Variants in NMUR2 observed in about 807,000 individuals in gnomAD.
NMUR2 encodes the protein neuromedin-U receptor 2.
Under a neutral mutation model 25.1 loss-of-function variants are expected in NMUR2, and 24 were observed. The observed-to-expected ratio is 0.96, with a 90% CI of 0.69 to 1.34. NMUR2 has a LOEUF of 1.34. Among genes scored for constraint, NMUR2 ranks in the 40% most tolerant of loss-of-function variants. The pLI, the probability that NMUR2 is intolerant of heterozygous loss-of-function variation, is 0.00. For missense variants in NMUR2, 533 were observed against 512.8 expected (o/e 1.04, Z -0.38); for synonymous variants, 218 against 208.1 (o/e 1.05, Z -0.41).
Position 152,393,453 on chromosome 5 carries a change from C to T in NMUR2, c.938-952G>A, listed in dbSNP as rs77158489. Among the ~76,000 whole-genome samples, 1,130 of 152,194 alleles carry T rather than the reference C, an allele frequency of 7.4e-3. 21 individuals are homozygous for T. The highest frequency in any genetic ancestry group is 0.026 in the African/African-American group (1,074 of 41,514). ...CTATATGCCTTGTTTACAGAATAAA[C>T]ATGGAAGAATGTTAAAGGAGAATAT... On this transcript the variant is annotated intron_variant, in intron 3 of 3. Transcript: ENST00000255262.
chr5:152,396,225 C>T (rs1339789812), intron 2 of NMUR2, among the ~76,000 whole-genome samples: 8 of 101,848 alleles, frequency 7.9e-5, no homozygotes, highest in South Asian at 3.5e-4. Flanking sequence ...CACACACACA[C>T]TTTTTTTTTT....
chr5:152,395,581 A>G lies in NMUR2; in HGVS notation c.815T>C (p.Val272Ala). The change falls in exon 3 of 4, where the codon GTC (valine) becomes GCC (alanine). Residue 272 changes from valine (V) to alanine (A), a missense_variant. Physicochemically the swap from Val to Ala is moderately conservative, Grantham distance 64. Coordinates refer to ENST00000255262, the MANE Select transcript of NMUR2 (RefSeq NM_020167.5). ...ACAGATAGCAAACACTAAGACCAAG[A>G]CAACTGAAAATGGATGATAAATGGG... is the stretch of plus-strand genomic sequence containing the variant. ...CRKSVNKMLFVLVLVFAICWA... is the reference protein window; with the variant it reads ...CRKSVNKMLFALVLVFAICWA... 1 of 1,613,394 alleles carries G rather than the reference A, an allele frequency of 6.2e-7. No individual in the cohort carries two copies.
In NMUR2 at chr5:152,392,031, ACT is replaced by A. The variant is rs1345901604; in HGVS notation, c.*158_*159del. 2 of 619,274 alleles carry A rather than the reference ACT, an allele frequency of 3.2e-6. No individual in the cohort carries two copies. The highest frequency in any genetic ancestry group is 3.7e-5 in the African/African-American group (2 of 53,742). The allele number at this position is 619,274 out of a possible 1,614,324, so 38.4% of individuals were successfully genotyped here. A position where few individuals can be genotyped will look rare whatever the true frequency, so the allele number is the denominator to read the frequency against. On this transcript the variant is annotated 3_prime_UTR_variant, in exon 4 of 4. Transcript: ENST00000255262. Reference sequence around the variant, plus strand: ...GTCTTGGGTTTTGAAACCAGATCTAACTCTCAGTTTTCACGTTTATTAAAAAA... The same window carrying A: ...GTCTTGGGTTTTGAAACCAGATCTAACTCAGTTTTCACGTTTATTAAAAAA...
rs1329741005 is a variant in NMUR2 at position 152,392,484 on chromosome 5, T to C, written c.955A>G (p.Ser319Gly). ...HVVSGVFFYLSSAVNPIIYNL... is the reference protein window; with the variant it reads ...HVVSGVFFYLGSAVNPIIYNL... The stretch of plus-strand genomic sequence containing the variant: ...TAGATAATGGGGTTGACAGCTGAGC[T>C]CAGGTAGAAGAAGACACCTGGAATG... Residue 319 changes from serine (S) to glycine (G), a missense_variant, in exon 4 of 4, where the codon AGC (serine) becomes GGC (glycine). Coordinates refer to ENST00000255262, the MANE Select transcript of NMUR2 (RefSeq NM_020167.5). 6.2e-7 allele frequency: 1 copy of C among 1,612,766 alleles called. No homozygotes were observed. Among genetic ancestry groups the C allele is most frequent in the Non-Finnish European group, 8.5e-7 (1 of 1,179,042 alleles).
At position 152,405,003 on chromosome 5, in the gene NMUR2, G is replaced by C; in HGVS notation, c.111C>G (p.Cys37Trp). ...NSTEEYLAFL[C>W]GPRRSHFFLP... ...GGAAGAAGTGGCTGCGCCGAGGTCC[G>C]CAGAGGAAGGCCAGATACTCCTCGG... Residue 37 changes from cysteine to tryptophan, a missense_variant, in exon 1 of 4, where the codon TGC (cysteine) becomes TGG (tryptophan). Cys to Trp is a radical substitution (Grantham distance 215). Coordinates refer to ENST00000255262, the MANE Select transcript of NMUR2 (RefSeq NM_020167.5). 6.2e-7 allele frequency: 1 copy of C among 1,613,944 alleles called. No homozygotes were observed. Among genetic ancestry groups the C allele is most frequent in the Non-Finnish European group, 8.5e-7 (1 of 1,179,982 alleles).
rs750208287 is a variant in NMUR2 at position 152,405,094 on chromosome 5, A to G, written c.20T>C (p.Leu7Pro). MSGMEK[L>P]QNASWIYQQK... ...CTGGTAGATCCAGGAAGCATTCTGA[A>G]GTTTTTCCATCCCTGACATTAAAAT... The change falls in exon 1 of 4, where the codon CTT (leucine) becomes CCT (proline). Residue 7 changes from leucine to proline, a missense_variant. Physicochemically the swap from Leu to Pro is moderately conservative, Grantham distance 98. Transcript: ENST00000255262. The G allele has an allele frequency of 6.2e-7, 1 of 1,609,924 alleles. No homozygotes were observed.
At position 152,391,725 on chromosome 5, in the gene NMUR2, A is replaced by C. The variant is rs900004859; in HGVS notation, c.*466T>G. On this transcript the variant is annotated 3_prime_UTR_variant, in exon 4 of 4. Coordinates refer to ENST00000255262, the MANE Select transcript of NMUR2 (RefSeq NM_020167.5). ...CAATAAAATTCAGCACAATAAAACAAGTTATGCCTGTAGACTGCTGCCAAG... is the reference window on the plus strand; with the variant it reads ...CAATAAAATTCAGCACAATAAAACACGTTATGCCTGTAGACTGCTGCCAAG... The C allele has an allele frequency of 6.5e-6, 1 of 154,772 alleles. No individual in the cohort carries two copies. Among genetic ancestry groups the C allele is most frequent in the Non-Finnish European group, 1.4e-5 (1 of 69,692 alleles). The allele number at this position is 154,772 out of a possible 1,614,324, so 9.6% of individuals were successfully genotyped here. A position where few individuals can be genotyped will look rare whatever the true frequency, so the allele number is the denominator to read the frequency against.
chr5:152,404,583 G>A lies in NMUR2; in HGVS notation c.531C>T (p.Phe177=). The A allele has an allele frequency of 6.2e-7, 1 of 1,614,160 alleles. No individual in the cohort carries two copies. Among genetic ancestry groups the A allele is most frequent in the Non-Finnish European group, 8.5e-7 (1 of 1,180,038 alleles). Residue 177 remains phenylalanine (F), a synonymous_variant, in exon 1 of 4, where the codon TTC becomes TTT. Transcript: ENST00000255262. ...CATGGATGCTGGTGTTGGGCAGGGA[G>A]AAGAGCACGGAGAAGCCCCAGACGA... is the stretch of plus-strand genomic sequence containing the variant. ...LGIVWGFSVL[F]SLPNTSIHGI...
chr5:152,392,036 CA>C lies in NMUR2; in HGVS notation c.*154del. The stretch of plus-strand genomic sequence containing the variant: ...GGGTTTTGAAACCAGATCTAACTCT[CA>C]GTTTTCACGTTTATTAAAAAAAAAA... On this transcript the variant is annotated 3_prime_UTR_variant, in exon 4 of 4. Transcript: ENST00000255262. The C allele has an allele frequency of 1.6e-6, 1 of 631,364 alleles. No individual in the cohort carries two copies. The highest frequency in any genetic ancestry group is 2.8e-5 in the East Asian group (1 of 35,838). The allele number at this position is 631,364 out of a possible 1,614,324, so 39.1% of individuals were successfully genotyped here.
At chr5:152,393,920 T>G (rs1196741446) in intron 3 of NMUR2, among the ~76,000 whole-genome samples, 2 of 152,120 alleles carry the variant, frequency 1.3e-5, no homozygotes, top group Admixed American at 1.3e-4. Context: ...ACTCTCTAAT[T>G]ACCAATTTGA....
intron 1 of NMUR2, among the ~76,000 whole-genome samples, chr5:152,403,255 G>C (rs2113103581): frequency 6.6e-6 from 1 of 152,250 alleles, no homozygotes; most frequent in African/African-American, 2.4e-5. Flanking sequence ...GGAGAATGAT[G>C]TGGCTTGCCT....
chr5:152,404,757 GCAGCC>G lies in NMUR2; in HGVS notation c.352_356del (p.Gly118LeufsTer8). 1.2e-6 allele frequency: 2 copies of G among 1,614,186 alleles called. No individual in the cohort carries two copies. Among genetic ancestry groups the G allele is most frequent in the Non-Finnish European group, 1.7e-6 (2 of 1,180,048 alleles). ...TCTCAAAGAGGGCCGTCTTGAAGTA[GCAGCC>G]CACGGGCCCGAACAAGAAAGGGTAG... On this transcript the variant is annotated frameshift_variant, in exon 1 of 4. Coordinates refer to ENST00000255262, the MANE Select transcript of NMUR2 (RefSeq NM_020167.5). LOFTEE classifies it high-confidence loss of function.
At chr5:152,398,174 T>C (rs1309484116) in intron 1 of NMUR2, 30 bp from the exon 2 acceptor site, 1 of 1,500,678 alleles carries the variant, frequency 6.7e-7, no homozygotes, top group Non-Finnish European at 9.2e-7. Flanking sequence ...GGAGAGATAG[T>C]AAGAAAGAGA....
intron 2 of NMUR2, among the ~76,000 whole-genome samples, chr5:152,396,050 C>A (rs1349796932): frequency 6.6e-6 from 1 of 152,008 alleles, no homozygotes; most frequent in Non-Finnish European, 1.5e-5. Flanking sequence ...TAGTACTTTA[C>A]AAGAATCTTT....
intron 2 of NMUR2, among the ~76,000 whole-genome samples, chr5:152,397,326 A>G (rs977216354): frequency 3.3e-5 from 5 of 152,140 alleles, no homozygotes; most frequent in African/African-American, 1.2e-4. Context: ...AACTCCTCTC[A>G]TATAGTAGTG....
At chr5:152,402,452 A>G (rs990739898) in intron 1 of NMUR2, among the ~76,000 whole-genome samples, 36 of 152,164 alleles carry the variant, frequency 2.4e-4, no homozygotes, top group African/African-American at 8.7e-4. Context: ...ATCCTTCCTG[A>G]AAACAGGCTG....
chr5:152,400,494 C>G (rs1381648056), intron 1 of NMUR2, among the ~76,000 whole-genome samples: 1 of 152,024 alleles, frequency 6.6e-6, no homozygotes, highest in East Asian at 1.9e-4. Flanking sequence ...TGTGAGGTTA[C>G]TTTTGTGAAG....
chr5:152,400,021 T>C lies in NMUR2; in HGVS notation c.727-1877A>G, dbSNP rs192298500. On this transcript the variant is annotated intron_variant, in intron 1 of 3. Transcript: ENST00000255262. ...TTTTGAAGGAATATTCCAGAAAAGG[T>C]ATTTAAAATTAAATAGACTTGGAAG... Among the ~76,000 whole-genome samples, 4 of 152,314 alleles carry C rather than the reference T, an allele frequency of 2.6e-5. No individual in the cohort carries two copies. The East Asian group carries it at 7.7e-4, about 29-fold the overall frequency.
At position 152,404,647 on chromosome 5, in the gene NMUR2, A is replaced by C; in HGVS notation, c.467T>G (p.Leu156Arg). 1 of 1,614,114 alleles carries C rather than the reference A, an allele frequency of 6.2e-7. No individual in the cohort carries two copies. The highest frequency in any genetic ancestry group is 8.5e-7 in the Non-Finnish European group (1 of 1,180,022). ...GAGGGCCCGGCGCCGGGTGCTCTGC[A>C]GTTTGGCGCGGAACGGGTGTAGGAT... ...VAILHPFRAK[L>R]QSTRRRALRI... Residue 156 changes from leucine (L) to arginine (R), a missense_variant, in exon 1 of 4, where the codon CTG becomes CGG. Leu to Arg is a moderately radical substitution (Grantham distance 102). Coordinates refer to ENST00000255262, the MANE Select transcript of NMUR2 (RefSeq NM_020167.5).
Sources: allele counts gnomAD v4.1 joint callset (sites outside exome capture counted in the v4.1 genomes callset), GRCh38; gene constraint gnomAD v4.1.1; transcripts MANE v1.5; gene names NCBI Gene and HGNC (gene_info 2026-07-23, HGNC 2026-07-21).